Variants in PHACTR1 observed in about 807,000 individuals in gnomAD.
The protein encoded by PHACTR1 is RPEL repeat containing 1.
A neutral mutation model predicts 69.2 loss-of-function variants in PHACTR1; 16 were observed. The ratio of observed to expected loss-of-function variants is 0.23; its 90% CI spans 0.16 to 0.35. PHACTR1 has a LOEUF of 0.35. PHACTR1 is among the 10% of genes least tolerant of loss of function. The probability of loss-of-function intolerance (pLI) is 1.00; values close to 1 mark genes in which losing one functional copy is unlikely to be tolerated. For missense variants in PHACTR1, 510 were observed against 734.7 expected (o/e 0.69, Z 3.54); for synonymous variants, 312 against 284.5 (o/e 1.10, Z -0.97).
chr6:13,224,669 T>A (rs1769288611), intron 8 of PHACTR1, among the ~76,000 whole-genome samples: 1 of 133,426 alleles, frequency 7.5e-6, no homozygotes, highest in African/African-American at 2.5e-5. Flanking sequence ...CCACGTGTCA[T>A]AAGATGCTGC....
chr6:12,945,706 G>A (rs554958232), intron 4 of PHACTR1, among the ~76,000 whole-genome samples: 2 of 152,282 alleles, frequency 1.3e-5, no homozygotes, highest in African/African-American at 4.8e-5. Context: ...GCTCATGACT[G>A]TAATCCCAGC....
chr6:13,177,362 G>GCA (rs1174158048), intron 6 of PHACTR1, among the ~76,000 whole-genome samples: 1 of 113,416 alleles, frequency 8.8e-6, no homozygotes, highest in Non-Finnish European at 2.1e-5. Context: ...TCTCTCTCTT[G>GCA]CGCTCTCTCT....
intron 5 of PHACTR1, among the ~76,000 whole-genome samples, chr6:13,069,388 A>T (rs1270453251): frequency 6.6e-6 from 1 of 151,900 alleles, no homozygotes; most frequent in Non-Finnish European, 1.5e-5. Context: ...CAAAGTTCTG[A>T]TGGCTCCCGT....
chr6:12,832,012 G>A (rs369098869), intron 4 of PHACTR1, among the ~76,000 whole-genome samples: 3 of 152,094 alleles, frequency 2.0e-5, no homozygotes, highest in African/African-American at 7.2e-5. Context: ...GGAGGCTGAG[G>A]TGGAAGGATC....
intron 4 of PHACTR1, among the ~76,000 whole-genome samples, chr6:13,052,342 G>T (rs903927538): frequency 2.0e-5 from 3 of 152,204 alleles, no homozygotes; most frequent in African/African-American, 7.2e-5. Context: ...GGTTGAACTT[G>T]CAAGGAATGC....
In PHACTR1 at chr6:13,275,712, G is replaced by A. The variant is rs1478372518; in HGVS notation, c.1448-2556G>A. On this transcript the variant is annotated intron_variant, in intron 11 of 14. Transcript: ENST00000332995. The surrounding 1 kb of genome is among the most constrained non-coding windows in gnomAD (Gnocchi z 4.0). ...AGATCCTCAGTTATAAACCAGGAGTGGTAGACGAGGTGGTCACTAGGTCCC... is the reference window on the plus strand; with the variant it reads ...AGATCCTCAGTTATAAACCAGGAGTAGTAGACGAGGTGGTCACTAGGTCCC... The A allele has an allele frequency of 6.6e-6, 1 of 152,182 alleles. No individual in the cohort carries two copies. Among genetic ancestry groups the A allele is most frequent in the East Asian group, 1.9e-4 (1 of 5,178 alleles). The allele number at this position is 152,182 out of a possible 1,614,324, so 9.4% of individuals were successfully genotyped here.
intron 5 of PHACTR1, among the ~76,000 whole-genome samples, chr6:13,132,429 A>G (rs1346643909): frequency 6.6e-6 from 1 of 152,120 alleles, no homozygotes; most frequent in African/African-American, 2.4e-5. Context: ...TGTTCTGCAG[A>G]CACCCGTGCT....
chr6:13,217,206 C>T (rs1393536585), intron 8 of PHACTR1, among the ~76,000 whole-genome samples: 1 of 152,220 alleles, frequency 6.6e-6, no homozygotes, highest in African/African-American at 2.4e-5. Context: ...GTCCAGGAAG[C>T]ACACTGCACC....
At chr6:12,909,339 G>A (rs1032063456) in intron 4 of PHACTR1, among the ~76,000 whole-genome samples, 16 of 152,130 alleles carry the variant, frequency 1.1e-4, no homozygotes, top group Admixed American at 1.0e-3. Context: ...TTACATTGTG[G>A]TGCCGTCTTA....
chr6:13,079,674 ATTATGGGGT>A (rs368849648), intron 5 of PHACTR1, among the ~76,000 whole-genome samples: 1 of 152,260 alleles, frequency 6.6e-6, no homozygotes, highest in African/African-American at 2.4e-5. Context: ...TTGCAATCTA[ATTATGGGGT>A]TCCCATGAGA....
intron 7 of PHACTR1, among the ~76,000 whole-genome samples, chr6:13,183,609 A>G (rs1282252155): frequency 6.6e-6 from 1 of 152,104 alleles, no homozygotes; most frequent in Non-Finnish European, 1.5e-5. Flanking sequence ...TGCTGCACAG[A>G]ACACCTGATC....
At chr6:12,921,622 G>A (rs1787687997) in intron 4 of PHACTR1, among the ~76,000 whole-genome samples, 2 of 109,416 alleles carry the variant, frequency 1.8e-5, no homozygotes, top group Admixed American at 1.8e-4. Context: ...GGAAGAAAGG[G>A]AGGAAGGAGA....
chr6:13,212,705 T>C (rs1767051223), intron 8 of PHACTR1, among the ~76,000 whole-genome samples: 1 of 151,132 alleles, frequency 6.6e-6, no homozygotes, highest in African/African-American at 2.5e-5. Context: ...CTTCCCACCA[T>C]TCTCGCACAT....
intron 5 of PHACTR1, among the ~76,000 whole-genome samples, chr6:13,133,134 C>T (rs867790324): frequency 4.0e-5 from 6 of 151,754 alleles, no homozygotes; most frequent in African/African-American, 1.5e-4. Flanking sequence ...TTTGCTCCCC[C>T]GTAAGAAATC....
rs540995331 is a variant in PHACTR1, at chr6:13,204,674, G to GT, written c.665-1138dup. Among the ~76,000 whole-genome samples, 208 of 152,310 alleles carry GT rather than the reference G, an allele frequency of 1.4e-3. 4 individuals carry two copies. The highest frequency in any genetic ancestry group is 1.8e-3 in the Non-Finnish European group (120 of 68,030). On this transcript the variant is annotated intron_variant, in intron 7 of 14. Transcript: ENST00000332995. ...AATCCCCTGTGGGAGCCTCCTTACT[G>GT]TTTCAGTAGCCCACACTTGAGTGGG... is the stretch of plus-strand genomic sequence containing the variant.
At chr6:12,988,004 G>T (rs150331066) in intron 4 of PHACTR1, among the ~76,000 whole-genome samples, 1 of 152,262 alleles carries the variant, frequency 6.6e-6, no homozygotes, top group Non-Finnish European at 1.5e-5. Flanking sequence ...GCAGCCACTG[G>T]TGCACATTTC....
chr6:12,833,871 C>T (rs1418086225), intron 4 of PHACTR1, among the ~76,000 whole-genome samples: 2 of 152,058 alleles, frequency 1.3e-5, no homozygotes, highest in African/African-American at 4.8e-5. Flanking sequence ...TACTCCTGCC[C>T]GTACTTACCA....
At chr6:13,132,307 C>G (rs1370033797) in intron 5 of PHACTR1, among the ~76,000 whole-genome samples, 1 of 152,150 alleles carries the variant, frequency 6.6e-6, no homozygotes, top group Non-Finnish European at 1.5e-5. Flanking sequence ...TGGCACCTGC[C>G]TGTGGGGACT....
chr6:12,948,860 T>A (rs1441522670), intron 4 of PHACTR1, among the ~76,000 whole-genome samples: 8 of 152,232 alleles, frequency 5.3e-5, no homozygotes, highest in Non-Finnish European at 1.0e-4. Flanking sequence ...TCCAAGCATT[T>A]ATAGCTGTTT....
Sources: allele counts gnomAD v4.1 joint callset (sites outside exome capture counted in the v4.1 genomes callset), GRCh38; gene constraint gnomAD v4.1.1; non-coding constraint Gnocchi (gnomAD v3.1); transcripts MANE v1.5; gene names NCBI Gene and HGNC (gene_info 2026-07-23, HGNC 2026-07-21).